Variants in POU6F2 observed in about 807,000 individuals in gnomAD.
The protein encoded by POU6F2 is POU domain, class 6, transcription factor 2.
In POU6F2, 31 loss-of-function variants were observed where a neutral mutation model predicts 71.3. That is an observed-to-expected ratio of 0.43 (90% CI 0.33 to 0.59). The LOEUF (loss-of-function observed/expected upper bound fraction) is 0.59. Ranked by LOEUF, POU6F2 falls within the 20% of genes least tolerant of loss-of-function variation. The pLI, the probability that POU6F2 is intolerant of heterozygous loss-of-function variation, is 0.04. For missense variants in POU6F2, 783 were observed against 856.8 expected (o/e 0.91, Z 1.07); for synonymous variants, 347 against 355.7 (o/e 0.98, Z 0.27).
intron 1 of POU6F2, among the ~76,000 whole-genome samples, chr7:39,000,056 AT>A (rs1443204041): frequency 6.6e-6 from 1 of 152,180 alleles, no homozygotes; most frequent in Non-Finnish European, 1.5e-5. Context: ...ACCAGCCCTC[AT>A]TTTAGTTCGT....
At chr7:39,149,283 C>G (rs1278125657) in intron 2 of POU6F2, among the ~76,000 whole-genome samples, 4 of 152,170 alleles carry the variant, frequency 2.6e-5, no homozygotes, top group Non-Finnish European at 5.9e-5. Flanking sequence ...GAGGTTCAGT[C>G]TATATCCAGC....
intron 2 of POU6F2, among the ~76,000 whole-genome samples, chr7:39,170,025 G>A (rs1398728081): frequency 3.3e-5 from 5 of 152,008 alleles, no homozygotes; most frequent in African/African-American, 7.2e-5. Context: ...TCTACTAGCC[G>A]GGCGTTGTGG....
At chr7:39,194,975 A>G (rs1315360484) in intron 2 of POU6F2, among the ~76,000 whole-genome samples, 1 of 152,154 alleles carries the variant, frequency 6.6e-6, no homozygotes, top group Non-Finnish European at 1.5e-5. Context: ...CAAACTCCGC[A>G]CACACCATCT....
Position 39,339,737 on chromosome 7 carries a change from C to G in POU6F2, c.694C>G (p.Gln232Glu). Reference sequence around the variant, plus strand: ...GCAGCAGCCTCCCCCGTCAACCAACCAGCACCCGCAACCAGCCCCACAGGC... The same window carrying G: ...GCAGCAGCCTCCCCCGTCAACCAACGAGCACCCGCAACCAGCCCCACAGGC... ...QQQQPPPSTN[Q>E]HPQPAPQAPS... is the part of the protein sequence containing the mutation. The change falls in exon 5 of 10, where the codon CAG becomes GAG. Residue 232 changes from glutamine (Q) to glutamate (E), a missense_variant. Physicochemically the swap from Gln to Glu is conservative, Grantham distance 29. Coordinates refer to ENST00000518318, the MANE Select transcript of POU6F2 (RefSeq NM_001370959.1). The G allele has an allele frequency of 6.2e-7, 1 of 1,604,246 alleles. No individual in the cohort carries two copies. The highest frequency in any genetic ancestry group is 1.3e-5 in the African/African-American group (1 of 74,874).
At chr7:39,418,955 GTA>G (rs545107588) in intron 6 of POU6F2, among the ~76,000 whole-genome samples, 4,288 of 106,702 alleles carry the variant, frequency 0.04, 191 homozygotes, top group African/African-American at 0.14. Context: ...ATGTATATAT[GTA>G]TATATATGTG....
chr7:39,042,170 C>T (rs143186098), intron 1 of POU6F2, among the ~76,000 whole-genome samples: 306 of 151,942 alleles, frequency 2.0e-3, no homozygotes, highest in African/African-American at 7.0e-3. Context: ...TCAAAGGAAT[C>T]AGAGGAAAAT....
At chr7:39,311,110 T>C (rs939303728) in intron 4 of POU6F2, among the ~76,000 whole-genome samples, 3 of 151,614 alleles carry the variant, frequency 2.0e-5, no homozygotes, top group Non-Finnish European at 4.4e-5. Context: ...AGTGGCTGTC[T>C]CCTCCTCCTC....
At chr7:38,993,775 GGAA>G (rs919169690) in intron 1 of POU6F2, among the ~76,000 whole-genome samples, 8 of 152,108 alleles carry the variant, frequency 5.3e-5, no homozygotes, top group African/African-American at 1.7e-4. Flanking sequence ...AGCATTCCGT[GGAA>G]GAAGAACATG....
Position 39,414,000 on chromosome 7 carries a change from C to G in POU6F2, c.1113+7260C>G, listed in dbSNP as rs1194879649. Among the ~76,000 whole-genome samples, 7 of 152,314 alleles carry G rather than the reference C, an allele frequency of 4.6e-5. No homozygotes were observed. In the South Asian group the frequency reaches 1.2e-3, roughly 27 times the overall value. ...GAGGAGCCGGGCAGCGCCGCGCAGC[C>G]GTCTCGCGTGGGACCCACCCGCGGG... On this transcript the variant is annotated intron_variant, in intron 6 of 9. Transcript: ENST00000518318.
chr7:39,180,309 G>C (rs761844488), intron 2 of POU6F2, among the ~76,000 whole-genome samples: 13 of 152,172 alleles, frequency 8.5e-5, no homozygotes, highest in Non-Finnish European at 1.5e-4. Flanking sequence ...CAGAGAAAAA[G>C]AGCATAAAAG....
chr7:39,154,290 T>G (rs1168553802), intron 2 of POU6F2, among the ~76,000 whole-genome samples: 1 of 152,082 alleles, frequency 6.6e-6, no homozygotes, highest in Non-Finnish European at 1.5e-5. Context: ...AAGGTAGACC[T>G]GGGTTTGCTT....
Position 39,347,399 on chromosome 7 carries a change from C to T in POU6F2, c.972+7384C>T, listed in dbSNP as rs560672537. ...TAATTGCATGTCAGTTTCGTAGCGTCATCCTGAGTCAGAGAGGTACGGGGC... is the reference window on the plus strand; with the variant it reads ...TAATTGCATGTCAGTTTCGTAGCGTTATCCTGAGTCAGAGAGGTACGGGGC... On this transcript the variant is annotated intron_variant, in intron 5 of 9. Transcript: ENST00000518318. 3.3e-5 allele frequency among the ~76,000 whole-genome samples: 5 copies of T among 152,226 alleles called. No homozygotes were observed. The South Asian group carries it at 1.0e-3, about 32-fold the overall frequency.
chr7:39,000,580 A>G (rs533417672), intron 1 of POU6F2, among the ~76,000 whole-genome samples: 2 of 151,622 alleles, frequency 1.3e-5, no homozygotes, highest in Admixed American at 1.3e-4. Context: ...CCCAACTTAC[A>G]ATGAGATATT....
chr7:39,301,097 T>C (rs1784941220), intron 4 of POU6F2, among the ~76,000 whole-genome samples: 1 of 152,232 alleles, frequency 6.6e-6, no homozygotes, highest in South Asian at 2.1e-4. Flanking sequence ...TCCAGAAGGC[T>C]ATCCAGATGC....
At chr7:39,440,784 A>G (rs1788383162) in intron 7 of POU6F2, among the ~76,000 whole-genome samples, 1 of 151,900 alleles carries the variant, frequency 6.6e-6, no homozygotes, top group African/African-American at 2.4e-5. Flanking sequence ...GGTTTTCAGC[A>G]TTTTTTCATT....
intron 2 of POU6F2, among the ~76,000 whole-genome samples, chr7:39,198,734 G>A (rs1241419240): frequency 6.6e-6 from 1 of 152,200 alleles, no homozygotes; most frequent in African/African-American, 2.4e-5. Context: ...TGTGTGACCA[G>A]TATCATAAAG....
intron 1 of POU6F2, among the ~76,000 whole-genome samples, chr7:38,992,542 G>C (rs1281671066): frequency 6.6e-6 from 1 of 152,198 alleles, no homozygotes; most frequent in Non-Finnish European, 1.5e-5. Flanking sequence ...GGGGAGTGGA[G>C]AATGAGGACA....
At chr7:39,064,110 G>A (rs191027456) in intron 1 of POU6F2, among the ~76,000 whole-genome samples, 9 of 152,094 alleles carry the variant, frequency 5.9e-5, no homozygotes, top group Non-Finnish European at 1.2e-4. Context: ...ATATGAAGCA[G>A]ACTGAATAAC....
chr7:39,432,295 C>G (rs1336523323), intron 6 of POU6F2, among the ~76,000 whole-genome samples: 1 of 152,288 alleles, frequency 6.6e-6, no homozygotes, highest in South Asian at 2.1e-4. Flanking sequence ...CCAAGCCCCT[C>G]ACCTTTAGGC....
Sources: allele counts gnomAD v4.1 joint callset (sites outside exome capture counted in the v4.1 genomes callset), GRCh38; gene constraint gnomAD v4.1.1; transcripts MANE v1.5; gene names NCBI Gene and HGNC (gene_info 2026-07-23, HGNC 2026-07-21).